HAPLN2: variants seen among roughly 807,000 people sequenced by gnomAD.
The protein encoded by HAPLN2 is brain link protein-1.
HAPLN2 carries 27 observed loss-of-function variants against 29.3 expected under a neutral mutation model. That is an observed-to-expected ratio of 0.92 (90% CI 0.68 to 1.27). The LOEUF is 1.27. Ranked by LOEUF, HAPLN2 falls within the 50% of genes most tolerant of loss-of-function variation. The pLI, the probability that HAPLN2 is intolerant of heterozygous loss-of-function variation, is 0.00. For synonymous variants in HAPLN2, 208 were observed against 211.7 expected (o/e 0.98, Z 0.15); for missense variants, 454 against 484.3 (o/e 0.94, Z 0.59).
chr1:156,615,557 ACTCT>A (rs201666308), upstream of HAPLN2, among the ~76,000 whole-genome samples: 645 of 138,122 alleles, frequency 4.7e-3, 26 homozygotes, highest in East Asian at 8.4e-3. Context: ...ATCCCATCTC[ACTCT>A]CTCTCTCTCT....
chr1:156,624,593 C>A lies in HAPLN2; in HGVS notation c.557-8C>A. ...CTCTTATCCCCGACCTCCGCCGTCT[C>A]CCGCCAGCTTGGACCGAGGGTCTGG... On this transcript the variant is annotated splice_polypyrimidine_tract_variant and splice_region_variant and intron_variant, in intron 5 of 6. Coordinates refer to ENST00000255039, the MANE Select transcript of HAPLN2 (RefSeq NM_021817.3). 1.2e-6 allele frequency: 2 copies of A among 1,611,432 alleles called. No individual in the cohort carries two copies. Among genetic ancestry groups the A allele is most frequent in the Non-Finnish European group, 1.7e-6 (2 of 1,179,086 alleles).
the HAPLN2 span, among the ~76,000 whole-genome samples, chr1:156,612,117 G>A: frequency 6.6e-6 from 1 of 152,144 alleles, no homozygotes; most frequent in Non-Finnish European, 1.5e-5. Flanking sequence ...TCCGCCTCCA[G>A]GGTTCAAGCA....
chr1:156,624,528 G>T, intron 5 of HAPLN2, 61 bp downstream of exon 5: 1 of 1,603,118 alleles, frequency 6.2e-7, no homozygotes, highest in Non-Finnish European at 8.5e-7. Context: ...GCCCGAGAGA[G>T]GGCGCCAGGC....
chr1:156,607,624 A>G, the HAPLN2 span, among the ~76,000 whole-genome samples: 1 of 152,148 alleles, frequency 6.6e-6, no homozygotes, highest in Non-Finnish European at 1.5e-5. Flanking sequence ...CAAACCTTGA[A>G]TGCCTCTCTA....
chr1:156,611,718 C>T, the HAPLN2 span, among the ~76,000 whole-genome samples: 1 of 152,226 alleles, frequency 6.6e-6, no homozygotes, highest in South Asian at 2.1e-4. Context: ...TCTTCCCCTA[C>T]CAGTGATAAT....
intron 2 of HAPLN2, among the ~76,000 whole-genome samples, chr1:156,622,046 TTA>T (rs1392736358): frequency 6.6e-6 from 1 of 152,122 alleles, no homozygotes; most frequent in Non-Finnish European, 1.5e-5. Flanking sequence ...AAAAATAACT[TTA>T]TAATTTTATA....
rs570548144 is a variant in HAPLN2, at chr1:156,624,500, C to G, written c.556+33C>G. ...GCCGAACCCAGCACTTCCCAAGCCC[C>G]GCGGAGCTGTCTCAGGGGCCCGAGA... is the stretch of plus-strand genomic sequence containing the variant. On this transcript the variant is annotated intron_variant, in intron 5 of 6. Transcript: ENST00000255039. The G allele has an allele frequency of 7.2e-5, 115 of 1,608,018 alleles. 2 individuals are homozygous for G. The South Asian group carries it at 7.5e-4, about 11-fold the overall frequency.
chr1:156,605,314 G>A, the HAPLN2 span, among the ~76,000 whole-genome samples: 6 of 151,436 alleles, frequency 4.0e-5, no homozygotes, highest in Non-Finnish European at 7.4e-5. Context: ...AATGTAGGCC[G>A]GGCATGGTGG....
At chr1:156,623,669 G>T in intron 3 of HAPLN2, 94 bp downstream of exon 3, 3 of 1,561,726 alleles carry the variant, frequency 1.9e-6, no homozygotes, top group Non-Finnish European at 1.7e-6. Context: ...GGTACCCAGG[G>T]ACTGAAAGTC....
chr1:156,618,452 T>C (rs2102521118), upstream of HAPLN2, among the ~76,000 whole-genome samples: 1 of 151,564 alleles, frequency 6.6e-6, no homozygotes, highest in African/African-American at 2.4e-5. Context: ...GCACTCCTAC[T>C]TGGGCAACAG....
At chr1:156,616,044 C>A (rs771667106), upstream of HAPLN2, among the ~76,000 whole-genome samples, 2 of 152,194 alleles carry the variant, frequency 1.3e-5, no homozygotes, top group African/African-American at 4.8e-5. Flanking sequence ...CAGTCATTCA[C>A]ACAACAATCC....
chr1:156,624,260 G>A (rs1466634669), intron 4 of HAPLN2, 91 bp from the exon 5 acceptor site: 28 of 1,506,598 alleles, frequency 1.9e-5, no homozygotes, highest in Non-Finnish European at 2.2e-5. Flanking sequence ...GCACCCCTGG[G>A]GACCCCAGCT....
rs763079436 is a variant in HAPLN2, at chr1:156,624,665, T to A, written c.621T>A (p.Pro207=). The A allele has an allele frequency of 6.2e-7, 1 of 1,609,266 alleles. No individual in the cohort carries two copies. Among genetic ancestry groups the A allele is most frequent in the Non-Finnish European group, 8.5e-7 (1 of 1,178,820 alleles). Residue 207 remains proline (P), a synonymous_variant, in exon 6 of 7, where the codon CCT becomes CCA. Coordinates refer to ENST00000255039, the MANE Select transcript of HAPLN2 (RefSeq NM_021817.3). ...GWLLEGSVRY[P]VLTARAPCGG... is the part of the protein sequence containing the mutation. ...TGCTCGAGGGCTCCGTGCGCTACCC[T>A]GTGCTCACCGCACGCGCCCCGTGCG...
the HAPLN2 span, among the ~76,000 whole-genome samples, chr1:156,607,429 G>A: frequency 2.6e-5 from 4 of 152,150 alleles, no homozygotes; most frequent in African/African-American, 9.6e-5. Context: ...GTAGTGAGCC[G>A]AGATTGTGAC....
At chr1:156,621,665 A>C (rs1160630426) in intron 2 of HAPLN2, among the ~76,000 whole-genome samples, 2 of 151,178 alleles carry the variant, frequency 1.3e-5, no homozygotes, top group South Asian at 2.1e-4. Flanking sequence ...TGGAGGTTGC[A>C]GTGAGCTGAG....
At chr1:156,601,522 C>T in the HAPLN2 span, 3 of 1,490,884 alleles carry the variant, frequency 2.0e-6, no homozygotes, top group Non-Finnish European at 2.8e-6. Flanking sequence ...TAGAGACGTC[C>T]GCGGGAACCA....
Position 156,625,124 on chromosome 1 carries a change from C to A in HAPLN2, c.763C>A (p.Arg255=). The A allele has an allele frequency of 1.3e-6, 2 of 1,539,812 alleles. No individual in the cohort carries two copies. Among genetic ancestry groups the A allele is most frequent in the Non-Finnish European group, 1.7e-6 (2 of 1,146,598 alleles). ...AGGCCAAGTGTTCTTCGTGCCCGGGCGGCTGACGCTGTCTGAAGCCCACGC... is the reference window on the plus strand; with the variant it reads ...AGGCCAAGTGTTCTTCGTGCCCGGGAGGCTGACGCTGTCTGAAGCCCACGC... ...LAGQVFFVPG[R]LTLSEAHAAC... Residue 255 remains arginine (R), a synonymous_variant, in exon 7 of 7, where the codon CGG becomes AGG. Coordinates refer to ENST00000255039, the MANE Select transcript of HAPLN2 (RefSeq NM_021817.3). The surrounding 1 kb of genome is among the most constrained non-coding windows in gnomAD (Gnocchi z 5.7).
At position 156,625,333 on chromosome 1, in the gene HAPLN2, C is replaced by T. The variant is rs965038507; in HGVS notation, c.972C>T (p.Phe324=). The T allele has an allele frequency of 1.0e-5, 16 of 1,598,020 alleles. No individual in the cohort carries two copies. Among genetic ancestry groups the T allele is most frequent in the African/African-American group, 2.7e-5 (2 of 74,452 alleles). ...LPDPGVRSFG[F]PRPQQAAYGT... ...ATCCCGGAGTGCGCAGTTTCGGCTT[C>T]CCCAGGCCCCAACAGGCAGCCTATG... Residue 324 remains phenylalanine, a synonymous_variant, in exon 7 of 7, where the codon TTC becomes TTT. Coordinates refer to ENST00000255039, the MANE Select transcript of HAPLN2 (RefSeq NM_021817.3). This position sits in a 1 kb window ranked among gnomAD's most constrained non-coding sequence, Gnocchi z 5.7.
At chr1:156,619,028 T>C (rs144586520), upstream of HAPLN2, among the ~76,000 whole-genome samples, 1,817 of 152,254 alleles carry the variant, frequency 0.012, 41 homozygotes, top group African/African-American at 0.042. Flanking sequence ...CCATCTCTCC[T>C]ATTGCAATGC....
Sources: gnomAD v4.1 joint callset for allele counts (sites outside exome capture counted in the v4.1 genomes callset) on GRCh38, gnomAD v4.1.1 for gene constraint, Gnocchi (gnomAD v3.1) non-coding constraint, MANE v1.5 for transcripts, NCBI Gene and HGNC (gene_info 2026-07-23, HGNC 2026-07-21) for gene names.